SETD2: variants seen among roughly 807,000 people sequenced by gnomAD.
SETD2 encodes SET domain containing 2, histone lysine methyltransferase, also known as histone-lysine N-methyltransferase SETD2.
SETD2 carries 31 observed loss-of-function variants against 242.1 expected under a neutral mutation model. That is an observed-to-expected ratio of 0.13 (90% CI 0.10 to 0.17). SETD2 has a LOEUF of 0.17. Among genes scored for constraint, SETD2 ranks in the 10% least tolerant of loss-of-function variants. The pLI is 1.00. For missense variants in SETD2, 2,481 were observed against 3,046.3 expected (o/e 0.81, Z 4.37); for synonymous variants, 1,006 against 1,066.5 (o/e 0.94, Z 1.11).
At chr3:47,105,268 G>A (rs1317800308) in intron 6 of SETD2, among the ~76,000 whole-genome samples, 1 of 151,694 alleles carries the variant, frequency 6.6e-6, no homozygotes, top group African/African-American at 2.4e-5. Flanking sequence ...AAATTAGCTG[G>A]GCATGATGGT....
At chr3:47,118,733 G>T (rs1330092566) in intron 3 of SETD2, among the ~76,000 whole-genome samples, 1 of 151,092 alleles carries the variant, frequency 6.6e-6, no homozygotes, top group Non-Finnish European at 1.5e-5. Context: ...GCCCTCTTAT[G>T]CCTCCACTAA....
chr3:47,158,337 T>C (rs1234363127), intron 1 of SETD2, among the ~76,000 whole-genome samples: 3 of 152,202 alleles, frequency 2.0e-5, no homozygotes, highest in Non-Finnish European at 4.4e-5. Flanking sequence ...GGGCTGGAAC[T>C]GTCCAGGTCC....
intron 12 of SETD2, among the ~76,000 whole-genome samples, chr3:47,070,114 A>G (rs532651968): frequency 6.6e-6 from 1 of 152,226 alleles, no homozygotes; most frequent in Non-Finnish European, 1.5e-5. Flanking sequence ...AAAAATTTAA[A>G]GTAATTTATT....
intron 3 of SETD2, among the ~76,000 whole-genome samples, chr3:47,117,369 C>T (rs978352769): frequency 6.6e-6 from 1 of 151,668 alleles, no homozygotes; most frequent in Middle Eastern, 3.5e-3. Flanking sequence ...TTCTGGAACT[C>T]AGCCCTTATT....
chr3:47,038,374 G>A (rs1340988551), intron 17 of SETD2, among the ~76,000 whole-genome samples: 1 of 152,190 alleles, frequency 6.6e-6, no homozygotes, highest in African/African-American at 2.4e-5. Flanking sequence ...AGCACTTTGG[G>A]AGGCTGAGGC....
intron 17 of SETD2, among the ~76,000 whole-genome samples, chr3:47,038,137 T>C (rs562466968): frequency 5.3e-5 from 8 of 152,276 alleles, no homozygotes; most frequent in South Asian, 2.1e-4. Context: ...ATGTCACCCC[T>C]CTGTAGATGA....
At chr3:47,090,549 T>A (rs2041757771) in intron 9 of SETD2, among the ~76,000 whole-genome samples, 1 of 151,660 alleles carries the variant, frequency 6.6e-6, no homozygotes, top group Non-Finnish European at 1.5e-5. Context: ...TGCCACCATA[T>A]CCAGCTAATT....
chr3:47,097,913 A>T (rs753462225), intron 9 of SETD2, 42 bp downstream of exon 9: 2 of 1,604,230 alleles, frequency 1.2e-6, no homozygotes, highest in Non-Finnish European at 1.7e-6. Context: ...CTCGCTTTTT[A>T]AATTTTTTAT....
chr3:47,072,954 AAAAGAAAG>A (rs760800645), intron 12 of SETD2, among the ~76,000 whole-genome samples: 7 of 151,404 alleles, frequency 4.6e-5, no homozygotes, highest in South Asian at 2.1e-4. Context: ...CTCAAAAAAA[AAAAGAAAG>A]AAAGAAAGAA....
At chr3:47,147,917 CA>C (rs547475994) in intron 1 of SETD2, among the ~76,000 whole-genome samples, 729 of 52,154 alleles carry the variant, frequency 0.014, 3 homozygotes, top group African/African-American at 0.036. Context: ...GACTCTGTCT[CA>C]AAAAAAAAAA....
At chr3:47,159,957 AGAGT>A (rs1271389850) in intron 1 of SETD2, among the ~76,000 whole-genome samples, 2 of 151,602 alleles carry the variant, frequency 1.3e-5, no homozygotes, top group Non-Finnish European at 2.9e-5. Context: ...CCTGGGGGAC[AGAGT>A]GAGACTCCAT....
chr3:47,128,978 T>C (rs1393915595), intron 1 of SETD2, among the ~76,000 whole-genome samples: 1 of 152,130 alleles, frequency 6.6e-6, no homozygotes, highest in Non-Finnish European at 1.5e-5. Context: ...AATACAAAAG[T>C]GACCAGAACA....
intron 15 of SETD2, among the ~76,000 whole-genome samples, chr3:47,050,723 C>CTCTTTTT (rs1553682525): frequency 9.0e-5 from 6 of 66,880 alleles, no homozygotes; most frequent in Admixed American, 4.8e-4. Flanking sequence ...TTTCCTCTCT[C>CTCTTTTT]TTTTTTTTTT....
At chr3:47,062,125 C>CA in intron 14 of SETD2, 38 bp downstream of exon 14, 1 of 1,583,980 alleles carries the variant, frequency 6.3e-7, no homozygotes, top group South Asian at 1.2e-5. Context: ...TTGCTCAAAA[C>CA]AAAAACAAAA....
At chr3:47,135,991 T>G (rs1012795941) in intron 1 of SETD2, among the ~76,000 whole-genome samples, 4 of 152,140 alleles carry the variant, frequency 2.6e-5, no homozygotes, top group Admixed American at 6.6e-5. Context: ...CTCCCCTCAC[T>G]GCTACTCCTC....
chr3:47,034,055 A>G (rs965282186), intron 18 of SETD2, among the ~76,000 whole-genome samples: 2 of 152,190 alleles, frequency 1.3e-5, no homozygotes, highest in Non-Finnish European at 2.9e-5. Context: ...TGCCTAGCCT[A>G]TGATTATTCT....
At chr3:47,098,752 C>T (rs751515961) in intron 8 of SETD2, among the ~76,000 whole-genome samples, 9 of 152,014 alleles carry the variant, frequency 5.9e-5, no homozygotes, top group Non-Finnish European at 8.8e-5. Context: ...GCCGAGATTG[C>T]ACCACCGCAC....
intron 5 of SETD2, among the ~76,000 whole-genome samples, chr3:47,108,148 C>T (rs1383631941): frequency 3.9e-5 from 6 of 151,928 alleles, no homozygotes; most frequent in South Asian, 2.1e-4. Flanking sequence ...TGTTTTAAAA[C>T]ATTTTTTAAA....
chr3:47,054,148 C>G (rs901526349), intron 15 of SETD2, among the ~76,000 whole-genome samples: 1 of 152,094 alleles, frequency 6.6e-6, no homozygotes, highest in African/African-American at 2.4e-5. Context: ...CCACCACAGC[C>G]CATTTACCTA....
Sources: gnomAD v4.1 joint callset for allele counts (sites outside exome capture counted in the v4.1 genomes callset) on GRCh38, gnomAD v4.1.1 for gene constraint, MANE v1.5 for transcripts, NCBI Gene and HGNC (gene_info 2026-07-23, HGNC 2026-07-21) for gene names.